Variants in CHN2 observed in about 807,000 individuals in gnomAD.
CHN2 encodes beta-chimaerin.
In CHN2, 35 loss-of-function variants were observed where a neutral mutation model predicts 56.3. The ratio of observed to expected loss-of-function variants is 0.62; its 90% CI spans 0.47 to 0.82. CHN2 has a LOEUF of 0.82. CHN2 is among the 40% of genes least tolerant of loss of function. The pLI, the probability that CHN2 is intolerant of heterozygous loss-of-function variation, is 0.00. For synonymous variants in CHN2, 210 were observed against 212.8 expected (o/e 0.99, Z 0.12); for missense variants, 491 against 580.5 (o/e 0.85, Z 1.58).
chr7:29,468,786 C>T (rs565479221), intron 6 of CHN2, among the ~76,000 whole-genome samples: 20 of 152,264 alleles, frequency 1.3e-4, no homozygotes, highest in Middle Eastern at 3.4e-3. Flanking sequence ...CCCCATCATA[C>T]CTATCCTGTG....
chr7:29,434,326 C>G (rs1783066259), intron 6 of CHN2, among the ~76,000 whole-genome samples: 1 of 152,126 alleles, frequency 6.6e-6, no homozygotes, highest in Admixed American at 6.5e-5. Flanking sequence ...TTGTCAGTTT[C>G]ATCAGGCTGC....
intron 11 of CHN2, among the ~76,000 whole-genome samples, chr7:29,508,597 C>T (rs1159182158): frequency 1.3e-5 from 2 of 151,940 alleles, no homozygotes; most frequent in South Asian, 2.1e-4. Context: ...CCCTAGTGGT[C>T]CTGGCAAAGA....
At chr7:29,511,812 G>A (rs1295982022) in intron 12 of CHN2, among the ~76,000 whole-genome samples, 3 of 146,320 alleles carry the variant, frequency 2.1e-5, no homozygotes, top group African/African-American at 7.5e-5. Flanking sequence ...TTAAAGTTGT[G>A]AAAACAAAAC....
rs567129236 is a variant in CHN2, at chr7:29,198,477, T to A, written c.49+3487T>A. On this transcript the variant is annotated intron_variant, in intron 1 of 12. Transcript: ENST00000222792. ...ATTTAAAAATACATTTTCTGAGAAC[T>A]CTTCATGAATTTTCTTCTGGAATAT... Among the ~76,000 whole-genome samples the A allele has an allele frequency of 2.1e-4, 32 of 152,318 alleles. No individual in the cohort carries two copies. The South Asian group carries it at 6.0e-3, about 29-fold the overall frequency.
intron 1 of CHN2, among the ~76,000 whole-genome samples, chr7:29,320,871 C>A (rs1162414201): frequency 6.6e-6 from 1 of 152,178 alleles, no homozygotes; most frequent in African/African-American, 2.4e-5. Context: ...AAAGGTGAAT[C>A]TGCTGCAGGC....
intron 3 of CHN2, among the ~76,000 whole-genome samples, chr7:29,374,542 A>G (rs1799874821): frequency 1.3e-5 from 2 of 152,166 alleles, no homozygotes; most frequent in Non-Finnish European, 2.9e-5. Flanking sequence ...TGCACCTAGA[A>G]CATATTTAGA....
At chr7:29,222,788 T>A (rs1426897135) in intron 1 of CHN2, among the ~76,000 whole-genome samples, 1 of 152,046 alleles carries the variant, frequency 6.6e-6, no homozygotes, top group African/African-American at 2.4e-5. Context: ...CAAGAATAAC[T>A]GAAGCAATAC....
chr7:29,397,862 G>A (rs1470966601), intron 4 of CHN2: 1 of 152,656 alleles, frequency 6.6e-6, no homozygotes, highest in Non-Finnish European at 1.5e-5. Context: ...CTCTCCAAGT[G>A]TAAATAACTG....
At chr7:29,475,136 C>A (rs747730544) in intron 6 of CHN2, among the ~76,000 whole-genome samples, 23 of 152,062 alleles carry the variant, frequency 1.5e-4, no homozygotes, top group Non-Finnish European at 2.6e-4. Context: ...ATTGCCTTCT[C>A]GTTACTTGAT....
At chr7:29,227,986 T>C (rs922488590) in intron 1 of CHN2, among the ~76,000 whole-genome samples, 2 of 152,158 alleles carry the variant, frequency 1.3e-5, no homozygotes, top group African/African-American at 2.4e-5. Flanking sequence ...ACAAGCTTAT[T>C]GTTAAGTTAA....
chr7:29,496,739 C>G (rs954478027), intron 8 of CHN2, among the ~76,000 whole-genome samples: 9 of 152,146 alleles, frequency 5.9e-5, no homozygotes, highest in African/African-American at 1.9e-4. Context: ...ACACCTATTG[C>G]TAACAGCATA....
chr7:29,323,575 G>A (rs901204326), intron 1 of CHN2, among the ~76,000 whole-genome samples: 2 of 152,128 alleles, frequency 1.3e-5, no homozygotes, highest in Non-Finnish European at 1.5e-5. Context: ...GCCTCGCCAC[G>A]TGGGAGATGG....
At chr7:29,189,835 C>CT (rs1782664497), upstream of CHN2, among the ~76,000 whole-genome samples, 1 of 152,174 alleles carries the variant, frequency 6.6e-6, no homozygotes, top group South Asian at 2.1e-4. Context: ...CCAAGCCCCC[C>CT]TGCAGCTCAG....
chr7:29,294,563 CAG>C (rs1184433406), intron 1 of CHN2, among the ~76,000 whole-genome samples: 1 of 152,112 alleles, frequency 6.6e-6, no homozygotes, highest in Non-Finnish European at 1.5e-5. Context: ...AAGACAAGGA[CAG>C]AAACAGAGAG....
chr7:29,178,054 C>T (rs1316322992), intron 2 of CHN2, among the ~76,000 whole-genome samples: 1 of 152,148 alleles, frequency 6.6e-6, no homozygotes, highest in Non-Finnish European at 1.5e-5. Context: ...TCTCATGCCT[C>T]ACATTCCATC....
chr7:29,374,274 C>G (rs891693115), intron 3 of CHN2, among the ~76,000 whole-genome samples: 2 of 152,210 alleles, frequency 1.3e-5, no homozygotes, highest in Middle Eastern at 3.4e-3. Context: ...CTGAACTGGA[C>G]TTGCTTTGGG....
At chr7:29,252,582 T>TG (rs1788679347) in intron 1 of CHN2, among the ~76,000 whole-genome samples, 1 of 18,784 alleles carries the variant, frequency 5.3e-5, no homozygotes, top group African/African-American at 6.3e-4. Flanking sequence ...TTCTTTGTTT[T>TG]TTTTTTTTTT....
At chr7:29,374,582 G>C (rs961583030) in intron 3 of CHN2, among the ~76,000 whole-genome samples, 1 of 152,024 alleles carries the variant, frequency 6.6e-6, no homozygotes, top group South Asian at 2.1e-4. Flanking sequence ...TAAGCGCTTG[G>C]GTAAGGGCTG....
intron 6 of CHN2, among the ~76,000 whole-genome samples, chr7:29,471,026 G>A (rs1039184908): frequency 6.6e-6 from 1 of 152,170 alleles, no homozygotes; most frequent in Non-Finnish European, 1.5e-5. Context: ...TTCTCCCTTA[G>A]GTTTTACACT....
Sources: gnomAD v4.1 joint callset for allele counts (sites outside exome capture counted in the v4.1 genomes callset) on GRCh38, gnomAD v4.1.1 for gene constraint, MANE v1.5 for transcripts, NCBI Gene and HGNC (gene_info 2026-07-23, HGNC 2026-07-21) for gene names.